ERBB4: variants seen among roughly 807,000 people sequenced by gnomAD.
The protein encoded by ERBB4 is erb-b2 receptor tyrosine kinase 4.
Under a neutral mutation model 158.0 loss-of-function variants are expected in ERBB4, and 42 were observed. The ratio of observed to expected loss-of-function variants is 0.27; its 90% confidence interval spans 0.21 to 0.34. The LOEUF is 0.34. Among genes scored for constraint, ERBB4 ranks in the 10% least tolerant of loss-of-function variants. The probability of loss-of-function intolerance (pLI) is 1.00; values close to 1 mark genes in which losing one functional copy is unlikely to be tolerated. For missense variants in ERBB4, 1,333 were observed against 1,624.1 expected (o/e 0.82, Z 3.08); for synonymous variants, 583 against 558.7 (o/e 1.04, Z -0.61).
chr2:211,446,261 C>G (rs1038735259), intron 20 of ERBB4, among the ~76,000 whole-genome samples: 1 of 152,022 alleles, frequency 6.6e-6, no homozygotes, highest in Non-Finnish European at 1.5e-5. Flanking sequence ...TACTGAGGCA[C>G]AATATAAGAT....
chr2:211,947,217 C>T (rs1007817510), intron 3 of ERBB4, among the ~76,000 whole-genome samples: 1 of 152,058 alleles, frequency 6.6e-6, no homozygotes, highest in African/African-American at 2.4e-5. Context: ...AGCTGAGATA[C>T]AGTATTATGG....
At chr2:212,191,132 G>T (rs959730640) in intron 1 of ERBB4, among the ~76,000 whole-genome samples, 10 of 151,862 alleles carry the variant, frequency 6.6e-5, no homozygotes, top group Admixed American at 2.0e-4. Context: ...TAAAACAAGG[G>T]TTTAAGAAAG....
chr2:212,187,366 A>G (rs1167944778), intron 1 of ERBB4, among the ~76,000 whole-genome samples: 2 of 151,878 alleles, frequency 1.3e-5, no homozygotes, highest in Non-Finnish European at 2.9e-5. Flanking sequence ...TGGCACACGT[A>G]TGTATGTAAC....
intron 20 of ERBB4, among the ~76,000 whole-genome samples, chr2:211,524,194 G>T (rs1017537780): frequency 6.6e-6 from 1 of 152,064 alleles, no homozygotes; most frequent in African/African-American, 2.4e-5. Flanking sequence ...ACAGAGTGTC[G>T]ATTGGTGCAT....
intron 20 of ERBB4, among the ~76,000 whole-genome samples, chr2:211,528,087 C>A (rs1272951944): frequency 6.6e-6 from 1 of 151,934 alleles, no homozygotes; most frequent in Non-Finnish European, 1.5e-5. Flanking sequence ...AAAACAGGAA[C>A]CAATGATCTC....
intron 3 of ERBB4, among the ~76,000 whole-genome samples, chr2:211,822,971 T>G (rs895832552): frequency 8.6e-5 from 13 of 152,000 alleles, no homozygotes; most frequent in Admixed American, 2.0e-4. Flanking sequence ...TTTTATGGAC[T>G]GTACCATCAT....
chr2:212,131,300 GAAT>G (rs2080100371), intron 1 of ERBB4, among the ~76,000 whole-genome samples: 1 of 152,076 alleles, frequency 6.6e-6, no homozygotes, highest in African/African-American at 2.4e-5. Context: ...CCAGAGAACA[GAAT>G]AATATTTTTA....
At chr2:211,478,483 C>G (rs929371331) in intron 20 of ERBB4, among the ~76,000 whole-genome samples, 2 of 152,144 alleles carry the variant, frequency 1.3e-5, no homozygotes. Context: ...ACATCCCTGT[C>G]TCTCTTCATT....
intron 20 of ERBB4, among the ~76,000 whole-genome samples, chr2:211,561,166 A>G (rs1323361955): frequency 2.0e-5 from 3 of 152,214 alleles, no homozygotes; most frequent in Admixed American, 1.3e-4. Flanking sequence ...AGCAGACTGC[A>G]TGATAAGAAT....
intron 3 of ERBB4, among the ~76,000 whole-genome samples, 162 bp from the exon 4 acceptor site, chr2:211,788,321 A>G (rs1243645267): frequency 6.6e-6 from 1 of 152,154 alleles, no homozygotes; most frequent in African/African-American, 2.4e-5. Context: ...AATCATATAC[A>G]TTGATTACAG....
intron 2 of ERBB4, among the ~76,000 whole-genome samples, chr2:212,099,086 G>A (rs2079009294): frequency 6.6e-6 from 1 of 151,676 alleles, no homozygotes; most frequent in East Asian, 1.9e-4. Flanking sequence ...TTCAAGTCCA[G>A]GATTTTGAGG....
rs1027344410 is a variant in ERBB4, at chr2:212,363,915, G to A, written c.82+174534C>T. On this transcript the variant is annotated intron_variant, in intron 1 of 27. Coordinates refer to ENST00000342788, the MANE Select transcript of ERBB4 (RefSeq NM_005235.3). ...GACTCATAGATACCAAACAGCTAATGGAAAGAGGATCAAGGATCAGAGAAA... is the reference window on the plus strand; with the variant it reads ...GACTCATAGATACCAAACAGCTAATAGAAAGAGGATCAAGGATCAGAGAAA... Among the ~76,000 whole-genome samples the A allele has an allele frequency of 1.3e-5, 2 of 151,526 alleles. 1 individual carries two copies.
rs150933192 is a variant in ERBB4, at chr2:212,069,738, T to A, written c.234+55014A>T. 9.7e-4 allele frequency among the ~76,000 whole-genome samples: 148 copies of A among 152,054 alleles called. 1 individual carries two copies. The highest frequency in any genetic ancestry group is 3.2e-3 in the African/African-American group (131 of 41,504). ...CAAGATTGCAGAACATAAGACAATA[T>A]AACAAATAAACTGTATTTCTTTATA... is the stretch of plus-strand genomic sequence containing the variant. On this transcript the variant is annotated intron_variant, in intron 2 of 27. Transcript: ENST00000342788.
chr2:212,354,658 G>A (rs1179627096), intron 1 of ERBB4, among the ~76,000 whole-genome samples: 2 of 152,074 alleles, frequency 1.3e-5, no homozygotes, highest in African/African-American at 4.8e-5. Context: ...AGAGTGAGGT[G>A]AGCTATTGTT....
intron 1 of ERBB4, among the ~76,000 whole-genome samples, chr2:212,194,984 A>G (rs1456024830): frequency 6.6e-6 from 1 of 152,034 alleles, no homozygotes; most frequent in African/African-American, 2.4e-5. Flanking sequence ...TTAAAAATGC[A>G]TTAAAAATAT....
chr2:211,446,734 T>TA (rs199774183), intron 20 of ERBB4, among the ~76,000 whole-genome samples: 1,739 of 152,192 alleles, frequency 0.011, 26 homozygotes, highest in African/African-American at 0.04. Context: ...TAGAATCAGA[T>TA]AAAAAAGTGT....
At chr2:212,485,750 A>T (rs960382320) in intron 1 of ERBB4, among the ~76,000 whole-genome samples, 4 of 152,276 alleles carry the variant, frequency 2.6e-5, no homozygotes, top group African/African-American at 9.6e-5. Context: ...TATGCCGGGA[A>T]GTTCAAGGTC....
At chr2:211,721,560 A>T (rs1407481268) in intron 7 of ERBB4, among the ~76,000 whole-genome samples, 1 of 146,800 alleles carries the variant, frequency 6.8e-6, no homozygotes, top group African/African-American at 2.6e-5. Flanking sequence ...TTTGTTTAAG[A>T]TCCTTTAACA....
chr2:211,664,663 A>T (rs1040439300), intron 15 of ERBB4, among the ~76,000 whole-genome samples: 17 of 151,132 alleles, frequency 1.1e-4, no homozygotes, highest in Admixed American at 3.3e-4. Context: ...AGGTAATCTA[A>T]TTATTATTCA....
Sources: gnomAD v4.1 joint callset for allele counts (sites outside exome capture counted in the v4.1 genomes callset) on GRCh38, gnomAD v4.1.1 for gene constraint, MANE v1.5 for transcripts, NCBI Gene and HGNC (gene_info 2026-07-23, HGNC 2026-07-21) for gene names.